The following L3HYPDH variants were observed in gnomAD, a reference collection of about 807,000 sequenced individuals.
L3HYPDH encodes trans-3-hydroxy-L-proline dehydratase.
A neutral mutation model predicts 26.5 loss-of-function variants in L3HYPDH; 32 were observed. The observed-to-expected ratio is 1.21, with a 90% CI of 0.91 to 1.62. The LOEUF is 1.62. L3HYPDH is among the 40% of genes most tolerant of loss of function. The pLI, the probability that L3HYPDH is intolerant of heterozygous loss-of-function variation, is 0.00. For synonymous variants in L3HYPDH, 215 were observed against 196.6 expected (o/e 1.09, Z -0.78); for missense variants, 554 against 476.4 (o/e 1.16, Z -1.52).
At chr14:59,486,625 T>G (rs1890596089), upstream of L3HYPDH, 2 of 887,622 alleles carry the variant, frequency 2.3e-6, no homozygotes, top group Admixed American at 5.3e-5. Flanking sequence ...TTTGAAACTG[T>G]TATTTTTGCC....
the L3HYPDH span, among the ~76,000 whole-genome samples, chr14:59,500,520 G>A: frequency 6.6e-6 from 1 of 152,086 alleles, no homozygotes; most frequent in Admixed American, 6.6e-5. Flanking sequence ...GAGATTGCAG[G>A]AATTTTGATA....
chr14:59,489,815 G>C, the L3HYPDH span, among the ~76,000 whole-genome samples: 1 of 152,190 alleles, frequency 6.6e-6, no homozygotes, highest in Non-Finnish European at 1.5e-5. Context: ...GAAGGCAAAG[G>C]GGAACCAGTG....
At chr14:59,481,537 C>T (rs72710960) in intron 1 of L3HYPDH, among the ~76,000 whole-genome samples, 11,707 of 152,162 alleles carry the variant, frequency 0.077, 541 homozygotes, top group Middle Eastern at 0.14. Context: ...AAGGGTTTTT[C>T]TTTTCTTCTA....
At chr14:59,484,704 G>C (rs1029116855), upstream of L3HYPDH, 13 of 1,358,024 alleles carry the variant, frequency 9.6e-6, no homozygotes, top group East Asian at 2.8e-4. Context: ...GGCGGCGCAG[G>C]CTCGCCCCTT....
At chr14:59,493,727 G>T in the L3HYPDH span, among the ~76,000 whole-genome samples, 1 of 152,100 alleles carries the variant, frequency 6.6e-6, no homozygotes, top group East Asian at 1.9e-4. Context: ...CACTTGACAA[G>T]CCAATTTTAA....
Position 59,483,994 on chromosome 14 carries a change from A to C in L3HYPDH, c.323T>G (p.Val108Gly). 1 of 1,593,066 alleles carries C rather than the reference A, an allele frequency of 6.3e-7. No individual in the cohort carries two copies. Among genetic ancestry groups the C allele is most frequent in the Non-Finnish European group, 8.5e-7 (1 of 1,174,710 alleles). ...EGYSSMCGHA[V>G]LALGRFALDF... Reference sequence around the variant, plus strand: ...CAAAGCGAAGCGGCCCAGCGCCAGCACTGCGTGGCCGCACATGGAGCTGTA... The same window carrying C: ...CAAAGCGAAGCGGCCCAGCGCCAGCCCTGCGTGGCCGCACATGGAGCTGTA... The change falls in exon 1 of 5, where the codon GTG (valine) becomes GGG (glycine). Residue 108 changes from valine to glycine, a missense_variant. By Grantham distance (109) the Val-to-Gly change is moderately radical (BLOSUM62 -3). Transcript: ENST00000247194.
chr14:59,473,396 G>A (rs1190963372), intron 4 of L3HYPDH, among the ~76,000 whole-genome samples: 5 of 152,076 alleles, frequency 3.3e-5, no homozygotes, highest in Non-Finnish European at 7.4e-5. Flanking sequence ...ATGGAGAAGG[G>A]GAATATATAC....
At chr14:59,470,967 G>GGA (rs1491444325), downstream of L3HYPDH, among the ~76,000 whole-genome samples, 121 of 63,586 alleles carry the variant, frequency 1.9e-3, 1 homozygote, top group African/African-American at 6.2e-3. Context: ...GGGGGGGGGG[G>GGA]AGGGCAGGAG....
chr14:59,484,365 CCCGA>C lies in L3HYPDH; in HGVS notation c.-53_-50del. On this transcript the variant is annotated 5_prime_UTR_variant, in exon 1 of 5. Coordinates refer to ENST00000247194, the MANE Select transcript of L3HYPDH (RefSeq NM_144581.2). The stretch of plus-strand genomic sequence containing the variant: ...ACGGTCCCGCAGCTATGGCTTCAAG[CCCGA>C]CCCTCACCCACTGACTCCGCGGGAG... The C allele has an allele frequency of 2.0e-6, 3 of 1,528,802 alleles. No homozygotes were observed. The highest frequency in any genetic ancestry group is 2.6e-6 in the Non-Finnish European group (3 of 1,137,752). 94.7% of individuals were successfully genotyped at this position (1,528,802 alleles called of 1,614,324 possible). A position where few individuals can be genotyped will look rare whatever the true frequency, so the allele number is the denominator to read the frequency against.
upstream of L3HYPDH, chr14:59,487,916 C>T (rs1261952939): frequency 1.6e-6 from 2 of 1,237,000 alleles, no homozygotes; most frequent in African/African-American, 1.5e-5. Flanking sequence ...TATGCTTCTT[C>T]TGTTTTAAAA....
downstream of L3HYPDH, among the ~76,000 whole-genome samples, chr14:59,467,987 C>T (rs1460389431): frequency 6.6e-6 from 1 of 152,240 alleles, no homozygotes; most frequent in Non-Finnish European, 1.5e-5. Context: ...CTTTGGACTA[C>T]TGTTGTCACT....
At chr14:59,503,526 A>G in the L3HYPDH span, among the ~76,000 whole-genome samples, 1 of 152,110 alleles carries the variant, frequency 6.6e-6, no homozygotes, top group Non-Finnish European at 1.5e-5. Context: ...CATAAAGTGG[A>G]GTTTCCCTTC....
Position 59,476,082 on chromosome 14 carries a change from G to T in L3HYPDH, c.801+10C>A. The T allele has an allele frequency of 6.2e-7, 1 of 1,613,792 alleles. No individual in the cohort carries two copies. The highest frequency in any genetic ancestry group is 8.5e-7 in the Non-Finnish European group (1 of 1,179,858). ...CTGGCTTTTGTCCCTAAACATTACA[G>T]TTTTAATACCTGTTCATCTGCAAAA... On this transcript the variant is annotated intron_variant, in intron 3 of 4. Coordinates refer to ENST00000247194, the MANE Select transcript of L3HYPDH (RefSeq NM_144581.2).
the L3HYPDH span, among the ~76,000 whole-genome samples, chr14:59,497,837 G>A: frequency 6.6e-6 from 1 of 152,286 alleles, no homozygotes; most frequent in East Asian, 1.9e-4. Flanking sequence ...TGTGTGGGGA[G>A]GAAGCATGTG....
chr14:59,504,504 A>T, the L3HYPDH span: 2 of 155,110 alleles, frequency 1.3e-5, no homozygotes, highest in South Asian at 4.0e-4. Context: ...AAAAACAAAC[A>T]TACTTGTGGG....
chr14:59,479,092 A>G (rs866216767), intron 2 of L3HYPDH, 90 bp downstream of exon 2: 2 of 980,664 alleles, frequency 2.0e-6, no homozygotes, highest in Middle Eastern at 2.5e-4. Context: ...TAATTTAAAC[A>G]TCATTTAATT....
downstream of L3HYPDH, among the ~76,000 whole-genome samples, chr14:59,469,456 G>A (rs1889260922): frequency 6.6e-6 from 1 of 151,172 alleles, no homozygotes; most frequent in African/African-American, 2.4e-5. Context: ...TCAGGAGGCT[G>A]AGGCAGGAGA....
chr14:59,478,415 A>G (rs1374524994), intron 2 of L3HYPDH, among the ~76,000 whole-genome samples: 1 of 152,056 alleles, frequency 6.6e-6, no homozygotes, highest in Admixed American at 6.5e-5. Flanking sequence ...ACACACACAC[A>G]CACTCACACA....
At chr14:59,502,760 T>TGTTTTGTTTTGTTTTGTTTTTTTTTG in the L3HYPDH span, among the ~76,000 whole-genome samples, 61 of 130,152 alleles carry the variant, frequency 4.7e-4, 2 homozygotes, top group Middle Eastern at 3.8e-3. Flanking sequence ...ATTTTTTTTT[T>TGTTTTGTTTTGTTTTGTTTTTTTTTG]TTTTTTTTTT....
Sources: gnomAD v4.1 joint callset for allele counts (sites outside exome capture counted in the v4.1 genomes callset) on GRCh38, gnomAD v4.1.1 for gene constraint, MANE v1.5 for transcripts, NCBI Gene and HGNC (gene_info 2026-07-23, HGNC 2026-07-21) for gene names.